The following USP35 variants were observed in gnomAD, a reference collection of about 807,000 sequenced individuals.
The protein encoded by USP35 is ubiquitin carboxyl-terminal hydrolase 35.
A neutral mutation model predicts 83.8 loss-of-function variants in USP35; 69 were observed. That is an observed-to-expected ratio of 0.82 (90% CI 0.68 to 1.01). The LOEUF (loss-of-function observed/expected upper bound fraction) is 1.01, where lower values mean the gene tolerates loss of function less well. Ranked by LOEUF, USP35 falls within the 50% of genes least tolerant of loss-of-function variation. USP35 has a pLI of 0.00. For missense variants in USP35, 1,503 were observed against 1,362.5 expected (o/e 1.10, Z -1.62); for synonymous variants, 714 against 589.5 (o/e 1.21, Z -3.06).
chr11:78,193,044 C>G (rs1863048334), intron 1 of USP35, among the ~76,000 whole-genome samples: 1 of 152,098 alleles, frequency 6.6e-6, no homozygotes, highest in Non-Finnish European at 1.5e-5. Flanking sequence ...TCTTGGCATC[C>G]TGGGTTGAAA....
chr11:78,198,693 A>G, intron 3 of USP35: 1 of 985,270 alleles, frequency 1.0e-6, no homozygotes, highest in South Asian at 4.7e-5. Context: ...CCTTGCCTTT[A>G]GTGGGTAAGA....
intron 5 of USP35, among the ~76,000 whole-genome samples, 188 bp downstream of exon 5, chr11:78,200,422 A>C (rs1352944608): frequency 6.6e-6 from 1 of 152,190 alleles, no homozygotes; most frequent in Non-Finnish European, 1.5e-5. Flanking sequence ...AGGAGTAGTC[A>C]TCCTATTTTG....
At chr11:78,221,094 C>T in the USP35 span, among the ~76,000 whole-genome samples, 1 of 152,212 alleles carries the variant, frequency 6.6e-6, no homozygotes, top group Non-Finnish European at 1.5e-5. Flanking sequence ...TCTAGCAGAG[C>T]ACCACCTCCT....
the USP35 span, among the ~76,000 whole-genome samples, chr11:78,235,721 A>G: frequency 6.6e-6 from 1 of 152,162 alleles, no homozygotes; most frequent in East Asian, 1.9e-4. Context: ...CCTCATCTCC[A>G]TCTGAGACCA....
Position 78,200,217 on chromosome 11 carries a change from C to T in USP35, c.1021C>T (p.His341Tyr), listed in dbSNP as rs1320553288. 5 of 1,614,188 alleles carry T rather than the reference C, an allele frequency of 3.1e-6. No individual in the cohort carries two copies. The highest frequency in any genetic ancestry group is 4.2e-6 in the Non-Finnish European group (5 of 1,180,024). ...KYMLLTFQHS[H>Y]EAFHLLLPHI... The stretch of plus-strand genomic sequence containing the variant: ...CATGCTCCTGACCTTCCAGCACTCC[C>T]ACGAAGCCTTCCACCTGGTAAGGTC... Residue 341 changes from histidine to tyrosine, a missense_variant, in exon 5 of 11, where the codon CAC (histidine) becomes TAC (tyrosine). Physicochemically the swap from His to Tyr is moderately conservative, Grantham distance 83. Transcript: ENST00000529308.
chr11:78,198,743 G>A (rs917920199), intron 3 of USP35: 32 of 967,518 alleles, frequency 3.3e-5, no homozygotes, highest in Non-Finnish European at 3.7e-5. Context: ...GTCAAATCCC[G>A]CCTCTACCAC....
chr11:78,223,985 G>A, the USP35 span, among the ~76,000 whole-genome samples: 4 of 152,174 alleles, frequency 2.6e-5, no homozygotes, highest in African/African-American at 9.7e-5. Flanking sequence ...AGGAGGCTGA[G>A]GCACGAGAAT....
rs368508798 is a variant in USP35, at chr11:78,196,461, C to T, written c.216C>T (p.His72=). 57 of 1,253,522 alleles carry T rather than the reference C, an allele frequency of 4.5e-5. No homozygotes were observed. In the Middle Eastern group the frequency reaches 9.4e-4, roughly 21 times the overall value. The allele number at this position is 1,253,522 out of a possible 1,614,324, so 77.6% of individuals were successfully genotyped here. A position where few individuals can be genotyped will look rare whatever the true frequency, so the allele number is the denominator to read the frequency against. ...TGCTGCACGTGGCCGGCCGCCACCA[C>T]CCCGACGTCTTCGCCGAGTTCTTCA... ...CQLLHVAGRH[H]PDVFAEFFSA... Residue 72 remains histidine (H), a synonymous_variant, in exon 2 of 11, where the codon CAC becomes CAT. Transcript: ENST00000529308. This position sits in a 1 kb window ranked among gnomAD's most constrained non-coding sequence, Gnocchi z 4.8.
Position 78,214,432 on chromosome 11 carries a change from GCC to G in USP35, c.*622_*623del, listed in dbSNP as rs1224572392. On this transcript the variant is annotated 3_prime_UTR_variant, in exon 11 of 11. Transcript: ENST00000529308. ...ACAGCAGGAGGCCTTTGCCCCCACAGCCCCTCCACGCCTGCCTCAGGGCCTGA... is the reference window on the plus strand; with the variant it reads ...ACAGCAGGAGGCCTTTGCCCCCACAGCCTCCACGCCTGCCTCAGGGCCTGA... 7.6e-6 allele frequency: 1 copy of G among 131,682 alleles called. No individual in the cohort carries two copies. The highest frequency in any genetic ancestry group is 2.7e-5 in the African/African-American group (1 of 37,578). 8.2% of individuals were successfully genotyped at this position (131,682 alleles called of 1,614,324 possible).
At chr11:78,216,914 C>T (rs1328691165), downstream of USP35, 1 of 152,326 alleles carries the variant, frequency 6.6e-6, no homozygotes, top group Non-Finnish European at 1.5e-5. Flanking sequence ...ACCACTGCTT[C>T]CATTCACTTA....
chr11:78,197,882 G>T, intron 2 of USP35, 54 bp from the exon 3 acceptor site: 2 of 1,589,280 alleles, frequency 1.3e-6, no homozygotes, highest in East Asian at 2.3e-5. Flanking sequence ...TGGTGTGCTG[G>T]GGGAAGGGAG....
Position 78,199,639 on chromosome 11 carries a change from A to G in USP35, c.851A>G (p.Lys284Arg). The G allele has an allele frequency of 6.2e-7, 1 of 1,614,170 alleles. No individual in the cohort carries two copies. The highest frequency in any genetic ancestry group is 8.5e-7 in the Non-Finnish European group (1 of 1,180,010). The change falls in exon 4 of 11, where the codon AAG (lysine) becomes AGG (arginine). Residue 284 changes from lysine (K) to arginine (R), a missense_variant. Coordinates refer to ENST00000529308, the MANE Select transcript of USP35 (RefSeq NM_020798.4). ...TGGCCCCTGGGGAAGAATATTGACAAGTGGATCATTGCACTGCTGAAGGGC... is the reference window on the plus strand; with the variant it reads ...TGGCCCCTGGGGAAGAATATTGACAGGTGGATCATTGCACTGCTGAAGGGC... ...VSWPLGKNID[K>R]WIIALLKGLA...
At position 78,196,433 on chromosome 11, in the gene USP35, A is replaced by G; in HGVS notation, c.188A>G (p.Gln63Arg). Residue 63 changes from glutamine to arginine, a missense_variant, in exon 2 of 11, where the codon CAG becomes CGG. Gln to Arg is a conservative substitution (Grantham distance 43). Coordinates refer to ENST00000529308, the MANE Select transcript of USP35 (RefSeq NM_020798.4). This position sits in a 1 kb window ranked among gnomAD's most constrained non-coding sequence, Gnocchi z 4.8. ...AEELPRRVGC[Q>R]LLHVAGRHHP... ...GAGCTGCCGCGCCGCGTGGGCTGCC[A>G]GCTGCTGCACGTGGCCGGCCGCCAC... is the stretch of plus-strand genomic sequence containing the variant. 7.8e-7 allele frequency: 1 copy of G among 1,285,608 alleles called. No individual in the cohort carries two copies. The highest frequency in any genetic ancestry group is 9.8e-7 in the Non-Finnish European group (1 of 1,018,220). The allele number at this position is 1,285,608 out of a possible 1,614,324, so 79.6% of individuals were successfully genotyped here.
At chr11:78,200,100 C>T (rs769100431) in intron 4 of USP35, 33 bp from the exon 5 acceptor site, 5 of 1,611,214 alleles carry the variant, frequency 3.1e-6, no homozygotes, top group Non-Finnish European at 4.2e-6. Flanking sequence ...GCAGCTCAAG[C>T]CTGGGGACTC....
intron 1 of USP35, among the ~76,000 whole-genome samples, chr11:78,190,805 C>T (rs1393246000): frequency 6.6e-6 from 1 of 152,138 alleles, no homozygotes; most frequent in East Asian, 1.9e-4. Context: ...GGGAAAAGCC[C>T]TTTTTCAGTA....
At chr11:78,225,258 T>TA in the USP35 span, 1 of 1,128,786 alleles carries the variant, frequency 8.9e-7, no homozygotes, top group Non-Finnish European at 1.3e-6. Flanking sequence ...TGTTGACACT[T>TA]ACCCATACCC....
rs1490772287 is a variant in USP35 at position 78,214,870 on chromosome 11, G to A, written c.*1057G>A. 7.1e-6 allele frequency among the ~76,000 whole-genome samples: 1 copy of A among 139,958 alleles called. No individual in the cohort carries two copies. The highest frequency in any genetic ancestry group is 2.9e-5 in the African/African-American group (1 of 34,264). The allele number at this position is 139,958 out of a possible 152,430, so 91.8% of individuals were successfully genotyped here. A position where few individuals can be genotyped will look rare whatever the true frequency, so the allele number is the denominator to read the frequency against. On this transcript the variant is annotated 3_prime_UTR_variant, in exon 11 of 11. Coordinates refer to ENST00000529308, the MANE Select transcript of USP35 (RefSeq NM_020798.4). The stretch of plus-strand genomic sequence containing the variant: ...CTACTGAAGTGGGGTGTAAGTAAAC[G>A]TGTGGACTGACTGACTTACTTACCT...
chr11:78,216,739 G>A (rs1262928464), downstream of USP35: 2 of 152,270 alleles, frequency 1.3e-5, no homozygotes, highest in East Asian at 1.9e-4. Context: ...CATGTTTATG[G>A]GAGGCTGCAA....
the USP35 span, among the ~76,000 whole-genome samples, chr11:78,231,083 T>C: frequency 6.6e-6 from 1 of 152,220 alleles, no homozygotes; most frequent in African/African-American, 2.4e-5. Flanking sequence ...CTAATAGTTC[T>C]GAGACACACC....
Sources: allele counts gnomAD v4.1 joint callset (sites outside exome capture counted in the v4.1 genomes callset), GRCh38; gene constraint gnomAD v4.1.1; non-coding constraint Gnocchi (gnomAD v3.1); transcripts MANE v1.5; gene names NCBI Gene and HGNC (gene_info 2026-07-23, HGNC 2026-07-21).